Variants in ADGRL2 observed in about 807,000 individuals in gnomAD.
ADGRL2 encodes the protein calcium-independent alpha-latrotoxin receptor 2.
ADGRL2 carries 44 observed loss-of-function variants against 157.4 expected under a neutral mutation model. That is an observed-to-expected ratio of 0.28 (90% CI 0.22 to 0.36). The LOEUF (loss-of-function observed/expected upper bound fraction) is 0.36, where lower values mean the gene tolerates loss of function less well. Ranked by LOEUF, ADGRL2 falls within the 10% of genes least tolerant of loss-of-function variation. The probability of loss-of-function intolerance (pLI) is 1.00; values close to 1 mark genes in which losing one functional copy is unlikely to be tolerated. For synonymous variants in ADGRL2, 585 were observed against 624.7 expected, an observed-to-expected ratio of 0.94 and a Z score of 0.95; for missense variants, 1,510 against 1,768.9, an observed-to-expected ratio of 0.85 and a Z score of 2.63.
chr1:81,544,997 C>A (rs745339800), intron 2 of ADGRL2, among the ~76,000 whole-genome samples: 1 of 152,094 alleles, frequency 6.6e-6, no homozygotes, highest in African/African-American at 2.4e-5. Flanking sequence ...CCTGGGTATA[C>A]GACAAAGACC....
At chr1:81,362,392 TG>T (rs2075993925) in intron 1 of ADGRL2, among the ~76,000 whole-genome samples, 1 of 106,416 alleles carries the variant, frequency 9.4e-6, no homozygotes, top group Non-Finnish European at 2.3e-5. Context: ...AGCTGTCTTT[TG>T]ATTTTTTTTT....
At chr1:81,971,308 A>G (rs1658662671) in intron 16 of ADGRL2, among the ~76,000 whole-genome samples, 1 of 152,124 alleles carries the variant, frequency 6.6e-6, no homozygotes, top group Non-Finnish European at 1.5e-5. Flanking sequence ...ATTTACTCTA[A>G]TACTGTGTGA....
intron 2 of ADGRL2, among the ~76,000 whole-genome samples, chr1:81,560,703 G>T (rs2080420658): frequency 6.6e-6 from 1 of 152,096 alleles, no homozygotes; most frequent in South Asian, 2.1e-4. Context: ...GGTGAAGAAG[G>T]AAGAGAAAGA....
chr1:81,789,674 G>A (rs1436218224), intron 2 of ADGRL2, among the ~76,000 whole-genome samples: 2 of 140,786 alleles, frequency 1.4e-5, no homozygotes, highest in Non-Finnish European at 3.0e-5. Flanking sequence ...TGCAGTGAGC[G>A]CCTGGTGACA....
intron 2 of ADGRL2, among the ~76,000 whole-genome samples, chr1:81,862,288 T>A (rs975606933): frequency 6.6e-6 from 1 of 152,160 alleles, no homozygotes; most frequent in Admixed American, 6.6e-5. Context: ...TTTTACGTTA[T>A]GGGTAAATTT....
chr1:81,936,523 T>C (rs1200903935), intron 3 of ADGRL2, among the ~76,000 whole-genome samples: 1 of 151,876 alleles, frequency 6.6e-6, no homozygotes, highest in African/African-American at 2.4e-5. Flanking sequence ...AAATTTAGTG[T>C]GACCCATGAT....
At chr1:81,441,169 A>G (rs138016726) in intron 1 of ADGRL2, among the ~76,000 whole-genome samples, 1 of 152,324 alleles carries the variant, frequency 6.6e-6, no homozygotes, top group Non-Finnish European at 1.5e-5. Context: ...TAAATTTAGT[A>G]CTATTATTAA....
intron 3 of ADGRL2, among the ~76,000 whole-genome samples, chr1:81,668,218 A>G (rs72939273): frequency 0.012 from 1,791 of 152,142 alleles, 35 homozygotes; most frequent in African/African-American, 0.04. Context: ...CGAGGTCAGG[A>G]GTTCGAGACC....
intron 2 of ADGRL2, among the ~76,000 whole-genome samples, chr1:81,863,176 G>A (rs1430670455): frequency 6.6e-6 from 1 of 152,096 alleles, no homozygotes; most frequent in Admixed American, 6.6e-5. Flanking sequence ...TGGTTGTTTG[G>A]TTCCCATGCT....
At chr1:81,554,446 G>A (rs1360567610) in intron 2 of ADGRL2, among the ~76,000 whole-genome samples, 1 of 151,394 alleles carries the variant, frequency 6.6e-6, no homozygotes, top group Non-Finnish European at 1.5e-5. Flanking sequence ...CCTTTCACCT[G>A]TCCTGCTATT....
At chr1:81,814,834 T>C (rs1021227548) in intron 1 of ADGRL2, among the ~76,000 whole-genome samples, 2 of 151,636 alleles carry the variant, frequency 1.3e-5, no homozygotes, top group African/African-American at 2.4e-5. Context: ...AAAGCTGTGC[T>C]AAAGAGAAAT....
chr1:81,404,064 G>A (rs985197682), intron 1 of ADGRL2, among the ~76,000 whole-genome samples: 1 of 152,112 alleles, frequency 6.6e-6, no homozygotes, highest in Non-Finnish European at 1.5e-5. Flanking sequence ...CCAAAGTGCT[G>A]GGATTACAGG....
intron 2 of ADGRL2, among the ~76,000 whole-genome samples, chr1:81,534,853 G>A (rs1019853845): frequency 2.0e-5 from 3 of 152,152 alleles, no homozygotes; most frequent in Admixed American, 6.5e-5. Flanking sequence ...TATTCTTCAA[G>A]TTTTTTCAAA....
At chr1:81,632,304 C>G (rs906237778) in intron 3 of ADGRL2, among the ~76,000 whole-genome samples, 1 of 152,170 alleles carries the variant, frequency 6.6e-6, no homozygotes, top group African/African-American at 2.4e-5. Context: ...AGACATTTCA[C>G]ATGGGATGGC....
chr1:81,816,054 A>G (rs2090371589), intron 1 of ADGRL2, among the ~76,000 whole-genome samples: 1 of 151,846 alleles, frequency 6.6e-6, no homozygotes, highest in Admixed American at 6.6e-5. Context: ...TTGTAGTGCA[A>G]GCATCACTTA....
At chr1:81,714,288 C>T (rs765422356) in intron 1 of ADGRL2, among the ~76,000 whole-genome samples, 17 of 151,974 alleles carry the variant, frequency 1.1e-4, no homozygotes, top group Non-Finnish European at 1.9e-4. Flanking sequence ...AATAATTGTG[C>T]CAGAGCAAGA....
chr1:81,485,748 A>G (rs1452599399), intron 2 of ADGRL2, among the ~76,000 whole-genome samples: 1 of 152,164 alleles, frequency 6.6e-6, no homozygotes, highest in Admixed American at 6.5e-5. Flanking sequence ...TAAGTAAACA[A>G]ACATTTAGAA....
intron 1 of ADGRL2, among the ~76,000 whole-genome samples, chr1:81,330,602 A>G (rs182206612): frequency 1.3e-5 from 2 of 152,272 alleles, no homozygotes; most frequent in Non-Finnish European, 2.9e-5. Context: ...TATCTTTATA[A>G]TTCAGCCAAA....
At chr1:81,565,427 G>A (rs926595813) in intron 2 of ADGRL2, among the ~76,000 whole-genome samples, 23 of 152,154 alleles carry the variant, frequency 1.5e-4, no homozygotes, top group Admixed American at 5.2e-4. Context: ...AGTATTCAAA[G>A]CGCTATGAGT....
Sources: gnomAD v4.1 joint callset for allele counts (sites outside exome capture counted in the v4.1 genomes callset) on GRCh38, gnomAD v4.1.1 for gene constraint, MANE v1.5 for transcripts, NCBI Gene and HGNC (gene_info 2026-07-23, HGNC 2026-07-21) for gene names.